ADK: variants seen among roughly 807,000 people sequenced by gnomAD.
ADK encodes adenosine kinase, also known as N6,N6-dimethyladenosine kinase.
In ADK, 24 loss-of-function variants were observed where a neutral mutation model predicts 44.7. The observed-to-expected ratio is 0.54, with a 90% confidence interval of 0.39 to 0.76. The LOEUF is 0.76. Among genes scored for constraint, ADK ranks in the 30% least tolerant of loss-of-function variants. The probability of loss-of-function intolerance (pLI) is 0.00; values close to 1 mark genes in which losing one functional copy is unlikely to be tolerated. For missense variants in ADK, 321 were observed against 425.1 expected, an observed-to-expected ratio of 0.76 and a Z score of 2.15; for synonymous variants, 128 against 142.6, an observed-to-expected ratio of 0.90 and a Z score of 0.73.
At chr10:74,153,274 C>T (rs994934667) in intron 1 of ADK, among the ~76,000 whole-genome samples, 1 of 152,058 alleles carries the variant, frequency 6.6e-6, no homozygotes, top group Non-Finnish European at 1.5e-5. Context: ...GGACATTTGG[C>T]GTGGTCTAGA....
At chr10:74,587,571 T>C (rs956256518) in intron 7 of ADK, among the ~76,000 whole-genome samples, 1 of 152,226 alleles carries the variant, frequency 6.6e-6, no homozygotes, top group Non-Finnish European at 1.5e-5. Context: ...CTGAAGACAC[T>C]GACTGTACTT....
At chr10:74,625,920 T>G (rs1853183020) in intron 9 of ADK, among the ~76,000 whole-genome samples, 1 of 152,178 alleles carries the variant, frequency 6.6e-6, no homozygotes, top group African/African-American at 2.4e-5. Flanking sequence ...AAAGGGTAAC[T>G]CATTAATAAA....
chr10:74,618,099 C>T (rs1319303303), intron 9 of ADK, among the ~76,000 whole-genome samples: 2 of 138,136 alleles, frequency 1.4e-5, no homozygotes, highest in Non-Finnish European at 3.1e-5. Flanking sequence ...TTTCTGTGTT[C>T]TTATATGACT....
At chr10:74,399,563 A>G (rs1476607445) in intron 6 of ADK, among the ~76,000 whole-genome samples, 34 of 152,042 alleles carry the variant, frequency 2.2e-4, no homozygotes, top group Non-Finnish European at 4.4e-5. Context: ...AAGTTATGCT[A>G]TCTTTTCTGC....
chr10:74,701,022 G>A (rs1198764565), intron 10 of ADK, among the ~76,000 whole-genome samples: 3 of 152,164 alleles, frequency 2.0e-5, no homozygotes, highest in Non-Finnish European at 4.4e-5. Context: ...CCAGAGAACA[G>A]AAAATTAACC....
intron 3 of ADK, among the ~76,000 whole-genome samples, chr10:74,271,514 A>C (rs1846426910): frequency 1.5e-5 from 2 of 132,790 alleles, no homozygotes; most frequent in African/African-American, 2.8e-5. Flanking sequence ...TGCACCCATT[A>C]ACTCATCATT....
intron 9 of ADK, among the ~76,000 whole-genome samples, chr10:74,627,514 T>A (rs1192265130): frequency 6.6e-6 from 1 of 151,928 alleles, no homozygotes; most frequent in Non-Finnish European, 1.5e-5. Flanking sequence ...GGCCTCAGGT[T>A]TATCGATTTT....
intron 6 of ADK, among the ~76,000 whole-genome samples, chr10:74,522,638 AT>A (rs1054627866): frequency 7.9e-5 from 12 of 151,634 alleles, no homozygotes; most frequent in Admixed American, 4.6e-4. Context: ...ATTTTAAAAG[AT>A]TTTTTTTTCT....
At position 74,337,971 on chromosome 10, in the gene ADK, T is replaced by A. The variant is rs557745463; in HGVS notation, c.273+23226T>A. On this transcript the variant is annotated intron_variant, in intron 4 of 10. Coordinates refer to ENST00000539909, the MANE Select transcript of ADK (RefSeq NM_006721.4). ...CTTAAATGAGCTGTGATTGCACCAC[T>A]ACACTCCAGTCTGGGTGACAGAGCG... Among the ~76,000 whole-genome samples, 5 of 152,188 alleles carry A rather than the reference T, an allele frequency of 3.3e-5. No individual in the cohort carries two copies. The East Asian group carries it at 7.7e-4, about 24-fold the overall frequency.
At chr10:74,206,708 G>A (rs1843610194) in intron 2 of ADK, among the ~76,000 whole-genome samples, 1 of 152,128 alleles carries the variant, frequency 6.6e-6, no homozygotes, top group Admixed American at 6.5e-5. Context: ...GAATGTTTAT[G>A]GGCTAATACT....
intron 1 of ADK, among the ~76,000 whole-genome samples, chr10:74,169,883 C>G (rs1033390040): frequency 6.6e-6 from 1 of 152,076 alleles, no homozygotes; most frequent in African/African-American, 2.4e-5. Flanking sequence ...CTTAAAGGAA[C>G]CTGAGATGTC....
At chr10:74,647,117 C>T (rs76114032) in intron 9 of ADK, among the ~76,000 whole-genome samples, 2 of 151,626 alleles carry the variant, frequency 1.3e-5, no homozygotes, top group East Asian at 1.9e-4. Flanking sequence ...AAAAAAAACT[C>T]TAGAGTTAGA....
chr10:74,632,448 C>A (rs1046164532), intron 9 of ADK, among the ~76,000 whole-genome samples: 4 of 152,112 alleles, frequency 2.6e-5, no homozygotes, highest in Non-Finnish European at 4.4e-5. Flanking sequence ...ATCAGCAGGG[C>A]CTTGTACCCT....
chr10:74,667,269 T>C (rs1350199117), intron 9 of ADK, among the ~76,000 whole-genome samples: 5 of 152,180 alleles, frequency 3.3e-5, no homozygotes, highest in Non-Finnish European at 7.3e-5. Flanking sequence ...GTTCTTTAGA[T>C]AATAGAAAAT....
At chr10:74,225,231 C>T (rs1844490125) in intron 3 of ADK, among the ~76,000 whole-genome samples, 2 of 152,314 alleles carry the variant, frequency 1.3e-5, no homozygotes, top group South Asian at 4.1e-4. Context: ...GTGCCCGCCA[C>T]CATGCCTGGC....
At chr10:74,364,152 T>C (rs763480682) in intron 4 of ADK, among the ~76,000 whole-genome samples, 4 of 152,252 alleles carry the variant, frequency 2.6e-5, no homozygotes, top group Non-Finnish European at 4.4e-5. Flanking sequence ...ATTTGAGGAA[T>C]AGGTCTTTCC....
chr10:74,428,751 A>G (rs146903175), intron 6 of ADK, among the ~76,000 whole-genome samples: 4 of 152,364 alleles, frequency 2.6e-5, no homozygotes, highest in East Asian at 1.9e-4. Flanking sequence ...GAATATTTAC[A>G]TGGTCTTGAA....
At chr10:74,597,713 C>G (rs1043456498) in intron 8 of ADK, among the ~76,000 whole-genome samples, 3 of 152,148 alleles carry the variant, frequency 2.0e-5, no homozygotes, top group African/African-American at 7.2e-5. Flanking sequence ...CACAGTGTCA[C>G]AGATTCTTAT....
chr10:74,238,944 TCCA>T, intron 3 of ADK, among the ~76,000 whole-genome samples: 1 of 134,388 alleles, frequency 7.4e-6, no homozygotes, highest in African/African-American at 2.7e-5. Flanking sequence ...CACTGCAACC[TCCA>T]CCTTCCAGTT....
Sources: allele counts gnomAD v4.1 joint callset (sites outside exome capture counted in the v4.1 genomes callset), GRCh38; gene constraint gnomAD v4.1.1; transcripts MANE v1.5; gene names NCBI Gene and HGNC (gene_info 2026-07-23, HGNC 2026-07-21).